RABL3: variants seen among roughly 807,000 people sequenced by gnomAD.
RABL3 encodes the protein rab-like protein 3.
A neutral mutation model predicts 31.8 loss-of-function variants in RABL3; 31 were observed. The observed-to-expected ratio is 0.97, with a 90% CI of 0.73 to 1.31. The LOEUF (loss-of-function observed/expected upper bound fraction) is 1.31. RABL3 is among the 40% of genes most tolerant of loss of function. The pLI is 0.00. For synonymous variants in RABL3, 97 were observed against 99.9 expected, an observed-to-expected ratio of 0.97 and a Z score of 0.18; for missense variants, 263 against 279.6, an observed-to-expected ratio of 0.94 and a Z score of 0.42.
chr3:120,728,719 GA>G (rs369461884), intron 2 of RABL3, among the ~76,000 whole-genome samples: 9 of 149,130 alleles, frequency 6.0e-5, no homozygotes, highest in South Asian at 2.1e-4. Flanking sequence ...AAACAAAAAA[GA>G]AAAAAAAATG....
intron 1 of RABL3, among the ~76,000 whole-genome samples, chr3:120,734,727 T>C (rs558450626): frequency 6.6e-6 from 1 of 152,324 alleles, no homozygotes; most frequent in African/African-American, 2.4e-5. Context: ...CATCAATACC[T>C]AATTTATTGA....
At chr3:120,723,047 C>A (rs1471574278) in intron 2 of RABL3, among the ~76,000 whole-genome samples, 3 of 152,042 alleles carry the variant, frequency 2.0e-5, no homozygotes, top group Non-Finnish European at 1.5e-5. Flanking sequence ...TGATAGACCG[C>A]TAGCAACACT....
In RABL3 at chr3:120,686,542, A is replaced by G. The variant is rs1347057143; in HGVS notation, c.*3281T>C. 1 of 152,216 alleles carries G rather than the reference A, an allele frequency of 6.6e-6. No individual in the cohort carries two copies. Among genetic ancestry groups the G allele is most frequent in the Non-Finnish European group, 1.5e-5 (1 of 68,034 alleles). 9.4% of individuals were successfully genotyped at this position (152,216 alleles called of 1,614,324 possible). The stretch of plus-strand genomic sequence containing the variant: ...ATCATGAATGCCTCAAGTTTGAGGA[A>G]TTCTAAGAACCCGAGCTAAAGCTAA... On this transcript the variant is annotated 3_prime_UTR_variant, in exon 8 of 8. Transcript: ENST00000273375.
Position 120,685,323 on chromosome 3 carries a change from T to C in RABL3, c.*4500A>G, listed in dbSNP as rs1238792940. On this transcript the variant is annotated 3_prime_UTR_variant, in exon 8 of 8. Transcript: ENST00000273375. ...GATGGAACGGAGAGATTACCTGATA[T>C]ACTTGATGGTACTGAGCGAGGTTTT... Among the ~76,000 whole-genome samples the C allele has an allele frequency of 6.6e-6, 1 of 152,174 alleles. No homozygotes were observed. The highest frequency in any genetic ancestry group is 2.4e-5 in the African/African-American group (1 of 41,438).
intron 1 of RABL3, 108 bp from the exon 2 acceptor site, chr3:120,730,895 G>A: frequency 1.4e-6 from 1 of 740,326 alleles, no homozygotes; most frequent in Non-Finnish European, 2.4e-6. Flanking sequence ...AAGCATAGTT[G>A]TTAGAATGCC....
chr3:120,708,505 A>G (rs1708575924), intron 3 of RABL3, among the ~76,000 whole-genome samples: 1 of 152,006 alleles, frequency 6.6e-6, no homozygotes, highest in Non-Finnish European at 1.5e-5. Context: ...AAGGTGTTAT[A>G]TATTCAGACT....
rs909661150 is a variant in RABL3, at chr3:120,687,165, T to A, written c.*2658A>T. On this transcript the variant is annotated 3_prime_UTR_variant, in exon 8 of 8. Coordinates refer to ENST00000273375, the MANE Select transcript of RABL3 (RefSeq NM_173825.5). ...CACCTAAGGGACAGAGGAGTAGTCA[T>A]ATATATGCCTTCATATCTGGTCACC... The A allele has an allele frequency of 6.6e-6, 1 of 152,190 alleles. No homozygotes were observed. The highest frequency in any genetic ancestry group is 1.9e-4 in the East Asian group (1 of 5,202). 9.4% of individuals were successfully genotyped at this position (152,190 alleles called of 1,614,324 possible). A position where few individuals can be genotyped will look rare whatever the true frequency, so the allele number is the denominator to read the frequency against.
chr3:120,720,443 A>G (rs1708724948), intron 2 of RABL3, among the ~76,000 whole-genome samples: 1 of 152,202 alleles, frequency 6.6e-6, no homozygotes, highest in South Asian at 2.1e-4. Flanking sequence ...TTGGAAAAAG[A>G]TTAGATGAAA....
At chr3:120,731,293 A>G (rs1708879384) in intron 1 of RABL3, among the ~76,000 whole-genome samples, 1 of 152,144 alleles carries the variant, frequency 6.6e-6, no homozygotes, top group East Asian at 1.9e-4. Flanking sequence ...GGTCTTCCAG[A>G]CTGTGCTTGA....
intron 5 of RABL3, among the ~76,000 whole-genome samples, chr3:120,696,307 A>C (rs1230820868): frequency 6.6e-6 from 1 of 152,166 alleles, no homozygotes; most frequent in Non-Finnish European, 1.5e-5. Flanking sequence ...ATGTTACATT[A>C]GTTTTTATTT....
chr3:120,735,774 C>CT (rs1708953057), intron 1 of RABL3, among the ~76,000 whole-genome samples: 1 of 152,192 alleles, frequency 6.6e-6, no homozygotes, highest in Admixed American at 6.5e-5. Flanking sequence ...CAAAGAACAT[C>CT]TTCATTTCTG....
At chr3:120,738,645 G>GT (rs1709002274) in intron 1 of RABL3, 1 of 152,298 alleles carries the variant, frequency 6.6e-6, no homozygotes, top group African/African-American at 2.4e-5. Flanking sequence ...TTCCTTGAGG[G>GT]TTCTTACGCA....
chr3:120,698,995 T>C (rs1275171294), intron 4 of RABL3, among the ~76,000 whole-genome samples: 2 of 152,228 alleles, frequency 1.3e-5, no homozygotes, highest in African/African-American at 2.4e-5. Flanking sequence ...AAGCCTAGCA[T>C]GGCACTCAAG....
chr3:120,731,590 A>G (rs1352075379), intron 1 of RABL3, among the ~76,000 whole-genome samples: 1 of 152,156 alleles, frequency 6.6e-6, no homozygotes, highest in Non-Finnish European at 1.5e-5. Flanking sequence ...GTGTGGAGTC[A>G]CTCATTCATT....
chr3:120,721,976 GT>G (rs1708748089), intron 2 of RABL3: 1 of 152,124 alleles, frequency 6.6e-6, no homozygotes, highest in Non-Finnish European at 1.5e-5. Flanking sequence ...ATAACAAACT[GT>G]CTCTCAGACC....
intron 1 of RABL3, among the ~76,000 whole-genome samples, chr3:120,737,981 C>A (rs1708992597): frequency 6.6e-6 from 1 of 152,220 alleles, no homozygotes; most frequent in Admixed American, 6.5e-5. Context: ...GTCAGGGACC[C>A]ACTTGAGGGG....
rs146919955 is a variant in RABL3, at chr3:120,685,340, C to T, written c.*4483G>A. Among the ~76,000 whole-genome samples the T allele has an allele frequency of 0.026, 3,965 of 152,172 alleles. 66 individuals are homozygous for T. Among genetic ancestry groups the T allele is most frequent in the Middle Eastern group, 0.061 (18 of 294 alleles). The stretch of plus-strand genomic sequence containing the variant: ...ACCTGATATACTTGATGGTACTGAG[C>T]GAGGTTTTACACCTTGGTTGGAGTT... On this transcript the variant is annotated 3_prime_UTR_variant, in exon 8 of 8. Transcript: ENST00000273375.
At chr3:120,734,986 G>A (rs1416940976) in intron 1 of RABL3, among the ~76,000 whole-genome samples, 1 of 152,184 alleles carries the variant, frequency 6.6e-6, no homozygotes, top group African/African-American at 2.4e-5. Context: ...GTTCATCAGG[G>A]ATATTGGTCT....
At position 120,693,589 on chromosome 3, in the gene RABL3, C is replaced by T. The variant is rs546749306; in HGVS notation, c.606+564G>A. Among the ~76,000 whole-genome samples, 187 of 152,290 alleles carry T rather than the reference C, an allele frequency of 1.2e-3. 1 individual carries two copies. The highest frequency in any genetic ancestry group is 6.8e-3 in the Middle Eastern group (2 of 294). On this transcript the variant is annotated intron_variant, in intron 6 of 7. Transcript: ENST00000273375. The stretch of plus-strand genomic sequence containing the variant: ...CTTTGTGAAGGAAAGACAAAGAGTG[C>T]TCTAATTTACCAGTATGCTGAGTCA...
Sources: gnomAD v4.1 joint callset for allele counts (sites outside exome capture counted in the v4.1 genomes callset) on GRCh38, gnomAD v4.1.1 for gene constraint, MANE v1.5 for transcripts, NCBI Gene and HGNC (gene_info 2026-07-23, HGNC 2026-07-21) for gene names.